The following NTSR1 variants were observed in gnomAD, a reference collection of about 807,000 sequenced individuals.
The protein encoded by NTSR1 is neurotensin receptor type 1.
NTSR1 carries 29 observed loss-of-function variants against 31.2 expected under a neutral mutation model. That is an observed-to-expected ratio of 0.93 (90% confidence interval 0.69 to 1.27). The LOEUF (loss-of-function observed/expected upper bound fraction) is 1.27. NTSR1 is among the 50% of genes most tolerant of loss of function. The pLI, the probability that NTSR1 is intolerant of heterozygous loss-of-function variation, is 0.00. For synonymous variants in NTSR1, 282 were observed against 269.9 expected (o/e 1.04, Z -0.44); for missense variants, 697 against 595.4 (o/e 1.17, Z -1.78).
chr20:62,716,777 C>T (rs970574074), intron 1 of NTSR1, among the ~76,000 whole-genome samples: 7 of 152,214 alleles, frequency 4.6e-5, no homozygotes, highest in South Asian at 2.1e-4. Flanking sequence ...GGCAGCCCCT[C>T]GCTCCCTGAC....
chr20:62,725,197 C>G (rs1207994796), intron 1 of NTSR1, among the ~76,000 whole-genome samples: 2 of 152,204 alleles, frequency 1.3e-5, no homozygotes, highest in East Asian at 3.9e-4. Context: ...AGGGGAGGAA[C>G]AGGAAGGGGC....
chr20:62,758,655 C>G lies in NTSR1; in HGVS notation c.1007+299C>G, dbSNP rs1257079055. ...GAGACATCCCTGGCTCTGCTGGGGA[C>G]ATGGTGGGGGTGTCACCTCCTCATA... On this transcript the variant is annotated intron_variant, in intron 3 of 3. Coordinates refer to ENST00000370501, the MANE Select transcript of NTSR1 (RefSeq NM_002531.3). This position sits in a 1 kb window ranked among gnomAD's most constrained non-coding sequence, Gnocchi z 4.5. Among the ~76,000 whole-genome samples, 4 of 152,100 alleles carry G rather than the reference C, an allele frequency of 2.6e-5. No homozygotes were observed. Among genetic ancestry groups the G allele is most frequent in the African/African-American group, 9.7e-5 (4 of 41,404 alleles).
In NTSR1 at chr20:62,735,979, C is replaced by T. The variant is rs918205805; in HGVS notation, c.715-18706C>T. Among the ~76,000 whole-genome samples the T allele has an allele frequency of 3.3e-5, 5 of 152,342 alleles. No individual in the cohort carries two copies. In the South Asian group the frequency reaches 6.2e-4, roughly 19 times the overall value. On this transcript the variant is annotated intron_variant, in intron 1 of 3. Coordinates refer to ENST00000370501, the MANE Select transcript of NTSR1 (RefSeq NM_002531.3). ...AATTCAGATTCTGTATTCAACTGTT[C>T]CCTTCATTACAAAGAACAAATTTCC...
chr20:62,738,548 A>T (rs1989146485), intron 1 of NTSR1, among the ~76,000 whole-genome samples: 1 of 152,228 alleles, frequency 6.6e-6, no homozygotes, highest in Non-Finnish European at 1.5e-5. Context: ...TGAGCCGTAC[A>T]TTTGTCTCTC....
chr20:62,761,373 A>C lies in NTSR1; in HGVS notation c.*1106A>C, dbSNP rs1447484367. 2 of 152,248 alleles carry C rather than the reference A, an allele frequency of 1.3e-5. No homozygotes were observed. The highest frequency in any genetic ancestry group is 2.9e-5 in the Non-Finnish European group (2 of 68,092). The allele number at this position is 152,248 out of a possible 1,614,324, so 9.4% of individuals were successfully genotyped here. A position where few individuals can be genotyped will look rare whatever the true frequency, so the allele number is the denominator to read the frequency against. ...GGCCGGCAGCCCTGGGCTGAGGCAC[A>C]GACTCATTTGTCACCTTCTGGCGGC... is the stretch of plus-strand genomic sequence containing the variant. On this transcript the variant is annotated 3_prime_UTR_variant, in exon 4 of 4. Transcript: ENST00000370501.
At chr20:62,729,387 C>T (rs771827908) in intron 1 of NTSR1, among the ~76,000 whole-genome samples, 8 of 152,152 alleles carry the variant, frequency 5.3e-5, no homozygotes, top group Non-Finnish European at 1.0e-4. Flanking sequence ...GTGCATGGAG[C>T]GGGGGCAGTC....
At chr20:62,716,829 C>T (rs921816764) in intron 1 of NTSR1, among the ~76,000 whole-genome samples, 4 of 152,296 alleles carry the variant, frequency 2.6e-5, no homozygotes, top group African/African-American at 7.2e-5. Flanking sequence ...AAGGGGGGCA[C>T]GGAGGGGAAT....
chr20:62,726,085 G>T (rs1258558196), intron 1 of NTSR1, among the ~76,000 whole-genome samples: 1 of 152,212 alleles, frequency 6.6e-6, no homozygotes, highest in Non-Finnish European at 1.5e-5. Context: ...CTGCCCTTGG[G>T]GTTCGCAGCC....
In NTSR1 at chr20:62,716,026, A is replaced by T. The variant is rs543593534; in HGVS notation, c.714+6105A>T. ...TAAGAGAAGAAAGAAGCTTTTCTTT[A>T]TTTTTGATTCATGGTGAAACACACA... On this transcript the variant is annotated intron_variant, in intron 1 of 3. Transcript: ENST00000370501. Among the ~76,000 whole-genome samples, 646 of 152,260 alleles carry T rather than the reference A, an allele frequency of 4.2e-3. 2 individuals are homozygous for T. The highest frequency in any genetic ancestry group is 0.014 in the Middle Eastern group (4 of 294).
intron 1 of NTSR1, among the ~76,000 whole-genome samples, chr20:62,746,079 G>A (rs1236031881): frequency 2.6e-5 from 4 of 152,152 alleles, no homozygotes; most frequent in Non-Finnish European, 4.4e-5. Flanking sequence ...GGGCAGGGAC[G>A]GGGGCCACAC....
intron 1 of NTSR1, among the ~76,000 whole-genome samples, chr20:62,721,953 C>T (rs891512070): frequency 3.9e-5 from 6 of 152,206 alleles, no homozygotes; most frequent in African/African-American, 1.4e-4. Flanking sequence ...TGCTGATTTA[C>T]ACCTGACACC....
intron 1 of NTSR1, among the ~76,000 whole-genome samples, chr20:62,725,187 A>G (rs1001322644): frequency 1.7e-4 from 26 of 152,218 alleles, no homozygotes; most frequent in Admixed American, 1.3e-4. Context: ...GATAAGTGCA[A>G]GGGGAGGAAC....
At position 62,743,234 on chromosome 20, in the gene NTSR1, G is replaced by A. The variant is rs111426326; in HGVS notation, c.715-11451G>A. Among the ~76,000 whole-genome samples the A allele has an allele frequency of 5.5e-3, 826 of 149,660 alleles. 21 individuals are homozygous for A. The highest frequency in any genetic ancestry group is 7.7e-3 in the Non-Finnish European group (522 of 67,988). Reference sequence around the variant, plus strand: ...TGGTGTGGGTGCGTCATGCCATGGCGACCAGCCCCAAAGGGTGAGCCTTTG... The same window carrying A: ...TGGTGTGGGTGCGTCATGCCATGGCAACCAGCCCCAAAGGGTGAGCCTTTG... On this transcript the variant is annotated intron_variant, in intron 1 of 3. Coordinates refer to ENST00000370501, the MANE Select transcript of NTSR1 (RefSeq NM_002531.3). This position sits in a 1 kb window ranked among gnomAD's most constrained non-coding sequence, Gnocchi z 7.5.
At chr20:62,754,947 G>A in intron 2 of NTSR1, 61 bp downstream of exon 2, 6 of 1,453,358 alleles carry the variant, frequency 4.1e-6, no homozygotes, top group South Asian at 1.3e-5. Flanking sequence ...AAGGCAGCGA[G>A]CGCTGAACCA....
intron 1 of NTSR1, among the ~76,000 whole-genome samples, chr20:62,734,926 C>T (rs185022016): frequency 9.2e-5 from 14 of 152,312 alleles, no homozygotes; most frequent in African/African-American, 2.6e-4. Flanking sequence ...CTGTGCTGCC[C>T]GAGCCCCTCC....
Position 62,715,763 on chromosome 20 carries a change from G to A in NTSR1, c.714+5842G>A, listed in dbSNP as rs1459765243. On this transcript the variant is annotated intron_variant, in intron 1 of 3. Transcript: ENST00000370501. This position sits in a 1 kb window ranked among gnomAD's most constrained non-coding sequence, Gnocchi z 4.7. ...GGCAGCAAGGGGGTACAGCCACCCTGTGCTTGCCAAGAACCACCACAAGCC... is the reference window on the plus strand; with the variant it reads ...GGCAGCAAGGGGGTACAGCCACCCTATGCTTGCCAAGAACCACCACAAGCC... Among the ~76,000 whole-genome samples the A allele has an allele frequency of 6.6e-6, 1 of 152,208 alleles. No individual in the cohort carries two copies. The highest frequency in any genetic ancestry group is 2.4e-5 in the African/African-American group (1 of 41,454).
chr20:62,726,569 G>C (rs1206687316), intron 1 of NTSR1, among the ~76,000 whole-genome samples: 1 of 152,144 alleles, frequency 6.6e-6, no homozygotes, highest in Admixed American at 6.5e-5. Flanking sequence ...ATGCTGGCTG[G>C]TGCCTGTGGC....
intron 1 of NTSR1, among the ~76,000 whole-genome samples, chr20:62,751,315 T>C (rs2243399): frequency 0.91 from 139,135 of 152,288 alleles, 63,670 homozygotes; most frequent in East Asian, 0.98. Flanking sequence ...TTAATCTTCT[T>C]ACCATGTGGA....
rs1016460595 is a variant in NTSR1, at chr20:62,743,051, C to T, written c.715-11634C>T. Among the ~76,000 whole-genome samples the T allele has an allele frequency of 1.4e-4, 21 of 149,740 alleles. 1 individual carries two copies. Among genetic ancestry groups the T allele is most frequent in the Admixed American group, 4.0e-4 (6 of 14,922 alleles). The stretch of plus-strand genomic sequence containing the variant: ...CACACCTGAGACCCTCCCAGCTACC[C>T]TGCCCTCTCCCCAGATCAGCTCGGT... On this transcript the variant is annotated intron_variant, in intron 1 of 3. Transcript: ENST00000370501. This position sits in a 1 kb window ranked among gnomAD's most constrained non-coding sequence, Gnocchi z 7.5.
Sources: gnomAD v4.1 joint callset for allele counts (sites outside exome capture counted in the v4.1 genomes callset) on GRCh38, gnomAD v4.1.1 for gene constraint, Gnocchi (gnomAD v3.1) non-coding constraint, MANE v1.5 for transcripts, NCBI Gene and HGNC (gene_info 2026-07-23, HGNC 2026-07-21) for gene names.